Variants in DNAH1 observed in about 807,000 individuals in gnomAD.
The protein encoded by DNAH1 is dynein axonemal heavy chain 1, also known as axonemal beta dynein heavy chain 1.
A neutral mutation model predicts 484.3 loss-of-function variants in DNAH1; 327 were observed. The ratio of observed to expected loss-of-function variants is 0.68; its 90% CI spans 0.62 to 0.74. The LOEUF (loss-of-function observed/expected upper bound fraction) is 0.74, where lower values mean the gene tolerates loss of function less well. DNAH1 is among the 30% of genes least tolerant of loss of function. The pLI is 0.00. For missense variants in DNAH1, 5,052 were observed against 5,546.8 expected (o/e 0.91, Z 2.83); for synonymous variants, 2,192 against 2,191.9 (o/e 1.00, Z 0.00).
intron 46 of DNAH1, among the ~76,000 whole-genome samples, chr3:52,377,536 T>C (rs2153224994): frequency 6.6e-6 from 1 of 151,990 alleles, no homozygotes; most frequent in African/African-American, 2.4e-5. Flanking sequence ...ACCCATCGCA[T>C]CCAGGCAAGA....
chr3:52,396,612 C>T lies in DNAH1; in HGVS notation c.11431-6C>T. 6.2e-7 allele frequency: 1 copy of T among 1,611,766 alleles called. No individual in the cohort carries two copies. ...CCTCACCTCCCCTGCCTCCCACCTC[C>T]CCCAGGTGATGGAGTTCAAGTCTCT... On this transcript the variant is annotated splice_region_variant and splice_polypyrimidine_tract_variant and intron_variant, in intron 71 of 77. Transcript: ENST00000420323.
rs1237320493 is a variant in DNAH1 at position 52,372,084 on chromosome 3, C to T, written c.6664C>T (p.Pro2222Ser). The T allele has an allele frequency of 3.1e-6, 5 of 1,613,336 alleles. No individual in the cohort carries two copies. The highest frequency in any genetic ancestry group is 1.7e-5 in the Admixed American group (1 of 60,020). Reference protein sequence around the residue: ...LLDMLLTNKKPVLCIGPTGTG... With the variant: ...LLDMLLTNKKSVLCIGPTGTG... ...GGACATGCTGCTCACCAACAAGAAG[C>T]CCGTGAGCACCCCCCCAGGCCCTGC... is the stretch of plus-strand genomic sequence containing the variant. Residue 2222 changes from proline (P) to serine (S), a missense_variant and splice_region_variant, in exon 42 of 78, where the codon CCC (proline) becomes TCC (serine). Around this residue, in one of 4 missense-constraint regions of DNAH1, gnomAD observed 2,929 missense variants for 3,409.4 expected, o/e 0.86. Transcript: ENST00000420323.
At position 52,395,804 on chromosome 3, in the gene DNAH1, G is replaced by T; in HGVS notation, c.11259+126G>T. ...GCCTCTAGCACGTGGCAAGTGCTCA[G>T]CAACTGACATGTGCCACACATCGAC... On this transcript the variant is annotated intron_variant, in intron 70 of 77. Transcript: ENST00000420323. The surrounding 1 kb of genome is among the most constrained non-coding windows in gnomAD (Gnocchi z 4.4). 1 of 1,340,032 alleles carries T rather than the reference G, an allele frequency of 7.5e-7. No individual in the cohort carries two copies. Among genetic ancestry groups the T allele is most frequent in the South Asian group, 1.4e-5 (1 of 71,068 alleles). The allele number at this position is 1,340,032 out of a possible 1,614,324, so 83.0% of individuals were successfully genotyped here.
chr3:52,375,204 G>T, intron 44 of DNAH1, 36 bp from the exon 45 acceptor site: 1 of 1,569,130 alleles, frequency 6.4e-7, no homozygotes, highest in Non-Finnish European at 8.7e-7. Flanking sequence ...TGCAGCCCTG[G>T]CCAGGGCCCT....
In DNAH1 at chr3:52,349,097, C is replaced by T. The variant is rs994652902; in HGVS notation, c.2300+16C>T. The T allele has an allele frequency of 6.2e-7, 1 of 1,612,904 alleles. No homozygotes were observed. The highest frequency in any genetic ancestry group is 1.3e-5 in the African/African-American group (1 of 75,050). ...CCTTTCTCAAGTGCGTACGTGTGCC[C>T]ATGCACGTCGGAGGGTGTCTGTGTG... is the stretch of plus-strand genomic sequence containing the variant. On this transcript the variant is annotated intron_variant, in intron 13 of 77. Coordinates refer to ENST00000420323, the MANE Select transcript of DNAH1 (RefSeq NM_015512.5).
chr3:52,350,462 A>G, intron 15 of DNAH1, 46 bp from the exon 16 acceptor site: 1 of 1,580,252 alleles, frequency 6.3e-7, no homozygotes, highest in Non-Finnish European at 8.7e-7. Context: ...ATTACCCACC[A>G]CCTCCCTGGC....
In DNAH1 at chr3:52,370,471, C is replaced by T. The variant is rs964312530; in HGVS notation, c.6259-6C>T. On this transcript the variant is annotated splice_region_variant and splice_polypyrimidine_tract_variant and intron_variant, in intron 39 of 77. Coordinates refer to ENST00000420323, the MANE Select transcript of DNAH1 (RefSeq NM_015512.5). ...CTCAGCCTGATACTGTTCCCTTCAT[C>T]CCCAGGGCCTCAAGAAAATACCCTC... 6.2e-7 allele frequency: 1 copy of T among 1,613,976 alleles called. No homozygotes were observed. The highest frequency in any genetic ancestry group is 8.5e-7 in the Non-Finnish European group (1 of 1,179,890).
intron 51 of DNAH1, 59 bp from the exon 52 acceptor site, chr3:52,383,801 G>C (rs905825359): frequency 1.3e-6 from 2 of 1,517,822 alleles, no homozygotes; most frequent in African/African-American, 2.8e-5. Flanking sequence ...CCTGGGTCCT[G>C]GGCTCCTGGG....
At chr3:52,389,696 G>C (rs1559565429) in intron 60 of DNAH1, 110 bp downstream of exon 60, 1 of 1,207,444 alleles carries the variant, frequency 8.3e-7, no homozygotes, top group Non-Finnish European at 1.1e-6. Context: ...CTGGCTCGGA[G>C]CTGCCTCTGC....
intron 1 of DNAH1, among the ~76,000 whole-genome samples, chr3:52,320,440 C>T (rs1357894090): frequency 6.6e-6 from 1 of 152,228 alleles, no homozygotes; most frequent in Non-Finnish European, 1.5e-5. Context: ...CTGCCAGAGC[C>T]CCATCTTTCC....
rs574428816 is a variant in DNAH1, at chr3:52,372,518, C to G, written c.6827+131C>G. On this transcript the variant is annotated intron_variant, in intron 43 of 77. Transcript: ENST00000420323. ...CCTCCCAGGGGGAGCTGACAGCCCC[C>G]CAATGGGCCCAGGGTTCCCTCACAG... The G allele has an allele frequency of 7.9e-3, 10,063 of 1,275,262 alleles. 59 individuals are homozygous for G. Among genetic ancestry groups the G allele is most frequent in the Non-Finnish European group, 9.6e-3 (8,973 of 933,082 alleles). The allele number at this position is 1,275,262 out of a possible 1,614,324, so 79.0% of individuals were successfully genotyped here. A position where few individuals can be genotyped will look rare whatever the true frequency, so the allele number is the denominator to read the frequency against.
Position 52,332,416 on chromosome 3 carries a change from C to A in DNAH1, c.1286+22C>A, listed in dbSNP as rs535854263. 5.0e-6 allele frequency: 8 copies of A among 1,605,842 alleles called. No individual in the cohort carries two copies. In the African/African-American group the frequency reaches 1.1e-4, roughly 21 times the overall value. On this transcript the variant is annotated intron_variant, in intron 8 of 77. Coordinates refer to ENST00000420323, the MANE Select transcript of DNAH1 (RefSeq NM_015512.5). Reference sequence around the variant, plus strand: ...CCTCGTGAGTCCCCGCTCGGCCTTCCCTATTCTGGGCATCACCTTCTTCAG... The same window carrying A: ...CCTCGTGAGTCCCCGCTCGGCCTTCACTATTCTGGGCATCACCTTCTTCAG...
At chr3:52,388,102 C>A in intron 56 of DNAH1, 65 bp from the exon 57 acceptor site, 1 of 1,554,632 alleles carries the variant, frequency 6.4e-7, no homozygotes. Flanking sequence ...CCCCACATCC[C>A]AGCAGAGCCC....
intron 46 of DNAH1, among the ~76,000 whole-genome samples, chr3:52,377,660 G>A (rs1703661135): frequency 6.6e-6 from 1 of 152,052 alleles, no homozygotes; most frequent in Non-Finnish European, 1.5e-5. Flanking sequence ...TGCCAGGCCT[G>A]CTCCCACCTC....
chr3:52,375,992 G>A lies in DNAH1; in HGVS notation c.7197G>A (p.Val2399=), dbSNP rs61738522. The A allele has an allele frequency of 5.0e-6, 8 of 1,612,080 alleles. No individual in the cohort carries two copies. Among genetic ancestry groups the A allele is most frequent in the Non-Finnish European group, 6.8e-6 (8 of 1,179,416 alleles). ...GAGAAAAAAGCTACCGGGAGCGTGT[G>A]CGTAAGTGTGGGCCTGGGCGGGAAT... ...LLGEKSYRER[V]PGAPHIAHFT... The change falls in exon 46 of 78, where the codon GTG becomes GTA. Residue 2399 remains valine (V), a splice_region_variant and synonymous_variant. Transcript: ENST00000420323.
intron 15 of DNAH1, among the ~76,000 whole-genome samples, 164 bp from the exon 16 acceptor site, chr3:52,350,344 A>G (rs1372718706): frequency 6.6e-6 from 1 of 152,042 alleles, no homozygotes; most frequent in East Asian, 1.9e-4. Flanking sequence ...AGGAGCCCTG[A>G]GCCTGATGCT....
chr3:52,372,455 A>G (rs1370985654), intron 43 of DNAH1, 68 bp downstream of exon 43: 1 of 1,581,220 alleles, frequency 6.3e-7, no homozygotes, highest in East Asian at 2.3e-5. Flanking sequence ...CTGCTGTCCC[A>G]CCTCTCCACC....
intron 56 of DNAH1, among the ~76,000 whole-genome samples, chr3:52,387,568 C>T (rs1350252161): frequency 6.6e-6 from 1 of 152,228 alleles, no homozygotes; most frequent in Non-Finnish European, 1.5e-5. Flanking sequence ...TCCTTCTCCT[C>T]TTCCATCAGA....
upstream of DNAH1, chr3:52,316,184 C>G (rs560762837): frequency 6.6e-6 from 1 of 152,416 alleles, no homozygotes; most frequent in South Asian, 2.1e-4. Context: ...TTCTGCCCCT[C>G]TCATCCCTGA....
Sources: allele counts gnomAD v4.1 joint callset (sites outside exome capture counted in the v4.1 genomes callset), GRCh38; gene constraint gnomAD v4.1.1; regional missense constraint gnomAD v4.1.1; non-coding constraint Gnocchi (gnomAD v3.1); transcripts MANE v1.5; gene names NCBI Gene and HGNC (gene_info 2026-07-23, HGNC 2026-07-21).